The following CACNA2D3 variants were observed in gnomAD, a reference collection of about 807,000 sequenced individuals.
CACNA2D3 encodes the protein calcium voltage-gated channel auxiliary subunit alpha2delta 3.
Under a neutral mutation model 160.6 loss-of-function variants are expected in CACNA2D3, and 60 were observed. That is an observed-to-expected ratio of 0.37 (90% CI 0.30 to 0.46). CACNA2D3 has a LOEUF of 0.46. Among genes scored for constraint, CACNA2D3 ranks in the 20% least tolerant of loss-of-function variants. The pLI is 1.00. For synonymous variants in CACNA2D3, 558 were observed against 492.9 expected (o/e 1.13, Z -1.75); for missense variants, 1,205 against 1,365.0 (o/e 0.88, Z 1.85).
chr3:54,250,289 T>TA (rs1373878440), intron 2 of CACNA2D3, among the ~76,000 whole-genome samples: 6 of 152,198 alleles, frequency 3.9e-5, no homozygotes, highest in African/African-American at 1.4e-4. Flanking sequence ...GAGTAGATTT[T>TA]AAGTGTTTTC....
At chr3:54,257,997 G>A (rs1026825261) in intron 2 of CACNA2D3, among the ~76,000 whole-genome samples, 6 of 152,204 alleles carry the variant, frequency 3.9e-5, no homozygotes, top group African/African-American at 7.2e-5. Flanking sequence ...CTTGAGAGAA[G>A]TGTTTTGAGG....
chr3:54,948,410 G>T (rs1701669961), intron 27 of CACNA2D3, among the ~76,000 whole-genome samples: 1 of 152,200 alleles, frequency 6.6e-6, no homozygotes, highest in Non-Finnish European at 1.5e-5. Context: ...CCCTTCATGG[G>T]CATATATGTG....
At chr3:54,239,488 T>A (rs1468806800) in intron 2 of CACNA2D3, among the ~76,000 whole-genome samples, 1 of 152,224 alleles carries the variant, frequency 6.6e-6, no homozygotes, top group Non-Finnish European at 1.5e-5. Flanking sequence ...CTCAAGATTT[T>A]CAGTAGCTGC....
At chr3:54,646,778 T>C (rs1575404081) in intron 11 of CACNA2D3, among the ~76,000 whole-genome samples, 2 of 152,194 alleles carry the variant, frequency 1.3e-5, no homozygotes, top group African/African-American at 4.8e-5. Flanking sequence ...TACCCAGTAA[T>C]GGGATTGCTG....
chr3:55,038,204 A>G (rs541695275), intron 35 of CACNA2D3, among the ~76,000 whole-genome samples: 4 of 152,222 alleles, frequency 2.6e-5, no homozygotes, highest in African/African-American at 9.6e-5. Context: ...ATTGAAATCC[A>G]TGCTAAGACC....
At chr3:54,379,721 T>A (rs755392946) in intron 3 of CACNA2D3, among the ~76,000 whole-genome samples, 1 of 152,250 alleles carries the variant, frequency 6.6e-6, no homozygotes, top group Non-Finnish European at 1.5e-5. Context: ...TCCTGTTGGC[T>A]GGAACGTTCT....
intron 2 of CACNA2D3, among the ~76,000 whole-genome samples, chr3:54,167,825 A>T (rs1478150958): frequency 6.6e-6 from 1 of 152,218 alleles, no homozygotes; most frequent in Non-Finnish European, 1.5e-5. Flanking sequence ...GACAAGGCAG[A>T]CTTAAGGGAG....
chr3:54,675,384 T>C (rs980384137), intron 11 of CACNA2D3, among the ~76,000 whole-genome samples: 1 of 152,140 alleles, frequency 6.6e-6, no homozygotes, highest in Non-Finnish European at 1.5e-5. Flanking sequence ...AAGGAACGGC[T>C]GGACAGAGGC....
chr3:54,557,382 G>T (rs1702257335), intron 5 of CACNA2D3, among the ~76,000 whole-genome samples: 1 of 152,188 alleles, frequency 6.6e-6, no homozygotes, highest in South Asian at 2.1e-4. Context: ...GATGTTCACA[G>T]TTCCTCAGGG....
chr3:54,866,110 C>G (rs114433530), intron 17 of CACNA2D3, among the ~76,000 whole-genome samples: 2,054 of 151,994 alleles, frequency 0.014, 49 homozygotes, highest in African/African-American at 0.047. Context: ...CTCATTCTCC[C>G]TGGGTGCTTT....
At chr3:55,013,834 C>T (rs1703264845) in intron 34 of CACNA2D3, among the ~76,000 whole-genome samples, 2 of 152,176 alleles carry the variant, frequency 1.3e-5, no homozygotes, top group Admixed American at 6.5e-5. Flanking sequence ...CAAATCTATT[C>T]AATCCCAATT....
intron 9 of CACNA2D3, among the ~76,000 whole-genome samples, chr3:54,600,881 C>T (rs953177182): frequency 2.6e-5 from 4 of 152,066 alleles, no homozygotes; most frequent in South Asian, 4.2e-4. Context: ...ACTCCCTGAA[C>T]CTGCACTTGA....
intron 2 of CACNA2D3, among the ~76,000 whole-genome samples, chr3:54,249,576 C>T (rs1001712826): frequency 1.1e-4 from 17 of 149,804 alleles, no homozygotes; most frequent in Non-Finnish European, 2.2e-4. Flanking sequence ...CACACACACA[C>T]ACACACACAC....
chr3:54,555,122 C>G (rs2106692994), intron 5 of CACNA2D3, among the ~76,000 whole-genome samples: 1 of 152,202 alleles, frequency 6.6e-6, no homozygotes, highest in South Asian at 2.1e-4. Context: ...GTAATCCACC[C>G]ACCTTGACCT....
At chr3:54,324,819 C>T (rs1256620034) in intron 3 of CACNA2D3, among the ~76,000 whole-genome samples, 1 of 152,102 alleles carries the variant, frequency 6.6e-6, no homozygotes, top group African/African-American at 2.4e-5. Flanking sequence ...ACATGTTGGA[C>T]ATAGAGGAAA....
At chr3:54,888,095 C>A (rs1271795250) in intron 24 of CACNA2D3, 43 bp downstream of exon 24, 1 of 1,360,882 alleles carries the variant, frequency 7.3e-7, no homozygotes, top group Non-Finnish European at 1.1e-6. Context: ...CATTTCCTCA[C>A]CAACACTCCG....
chr3:54,171,465 A>G (rs1035126365), intron 2 of CACNA2D3, among the ~76,000 whole-genome samples: 3 of 152,118 alleles, frequency 2.0e-5, no homozygotes, highest in Non-Finnish European at 4.4e-5. Context: ...GAGGAAGGGC[A>G]TGTTGTTTAT....
chr3:54,783,047 A>C (rs1575473111), intron 13 of CACNA2D3, among the ~76,000 whole-genome samples: 1 of 152,134 alleles, frequency 6.6e-6, no homozygotes, highest in East Asian at 1.9e-4. Context: ...GATTTTGCCT[A>C]AGGAAATGGG....
At chr3:54,482,330 C>T (rs73844053) in intron 4 of CACNA2D3, among the ~76,000 whole-genome samples, 6,663 of 152,196 alleles carry the variant, frequency 0.044, 504 homozygotes, top group African/African-American at 0.15. Context: ...CTTCTGCTTC[C>T]GTAACACTTA....
Sources: allele counts gnomAD v4.1 joint callset (sites outside exome capture counted in the v4.1 genomes callset), GRCh38; gene constraint gnomAD v4.1.1; transcripts MANE v1.5; gene names NCBI Gene and HGNC (gene_info 2026-07-23, HGNC 2026-07-21).